TANGO6: variants seen among roughly 807,000 people sequenced by gnomAD.
TANGO6 encodes transport and golgi organization 6 homolog, also known as transport and Golgi organization protein 6 homolog.
Under a neutral mutation model 114.2 loss-of-function variants are expected in TANGO6, and 90 were observed. That is an observed-to-expected ratio of 0.79 (90% CI 0.66 to 0.94). The LOEUF is 0.94. Ranked by LOEUF, TANGO6 falls within the 40% of genes least tolerant of loss-of-function variation. The probability of loss-of-function intolerance (pLI) is 0.00; values close to 1 mark genes in which losing one functional copy is unlikely to be tolerated. For synonymous variants in TANGO6, 477 were observed against 509.8 expected, an observed-to-expected ratio of 0.94 and a Z score of 0.87; for missense variants, 1,274 against 1,315.3, an observed-to-expected ratio of 0.97 and a Z score of 0.49.
intron 17 of TANGO6, among the ~76,000 whole-genome samples, chr16:69,061,519 C>G (rs1242494103): frequency 3.3e-5 from 5 of 151,986 alleles, no homozygotes; most frequent in Admixed American, 6.6e-5. Flanking sequence ...CGCCACCGCA[C>G]TCCAGCCTAG....
intron 14 of TANGO6, among the ~76,000 whole-genome samples, chr16:68,954,084 A>G (rs1405159388): frequency 2.6e-5 from 4 of 151,676 alleles, no homozygotes; most frequent in Non-Finnish European, 4.4e-5. Flanking sequence ...TACTAAAAAT[A>G]CAAAAAAAAA....
chr16:69,048,202 C>T (rs1959891840), intron 17 of TANGO6, among the ~76,000 whole-genome samples: 2 of 151,606 alleles, frequency 1.3e-5, no homozygotes, highest in South Asian at 4.2e-4. Context: ...TGTGCCTGAG[C>T]CTCTTGACTA....
At chr16:68,858,912 G>A (rs768042604) in intron 1 of TANGO6, among the ~76,000 whole-genome samples, 3 of 152,106 alleles carry the variant, frequency 2.0e-5, no homozygotes, top group African/African-American at 7.2e-5. Context: ...TTTTTTGACC[G>A]TAGATTATTT....
chr16:68,971,210 G>A (rs544877678), intron 14 of TANGO6, among the ~76,000 whole-genome samples: 1 of 151,930 alleles, frequency 6.6e-6, no homozygotes, highest in South Asian at 2.1e-4. Context: ...ACCAGGCCTT[G>A]TAATATATCA....
chr16:68,921,259 T>C (rs1257947457), intron 12 of TANGO6, among the ~76,000 whole-genome samples: 2 of 150,952 alleles, frequency 1.3e-5, no homozygotes, highest in African/African-American at 4.9e-5. Flanking sequence ...CTCAGCTCAC[T>C]GCAGCCTCCA....
intron 4 of TANGO6, among the ~76,000 whole-genome samples, chr16:68,869,232 C>T (rs1962227788): frequency 6.6e-6 from 1 of 152,134 alleles, no homozygotes; most frequent in African/African-American, 2.4e-5. Context: ...GCCTATAATC[C>T]CAACACTTTG....
intron 17 of TANGO6, among the ~76,000 whole-genome samples, chr16:69,070,044 T>TA (rs775552668): frequency 0.083 from 6,275 of 75,268 alleles, 221 homozygotes; most frequent in Non-Finnish European, 0.1. Context: ...CTGTCTGTAC[T>TA]AAAAAAAAAA....
At chr16:68,987,362 CTGTTGT>C (rs751674485) in intron 15 of TANGO6, among the ~76,000 whole-genome samples, 2 of 151,874 alleles carry the variant, frequency 1.3e-5, no homozygotes, top group Non-Finnish European at 2.9e-5. Context: ...GTTGTTGTTG[CTGTTGT>C]TGTTGTTGTT....
chr16:69,012,556 CAAAAAAAA>C (rs1175561720), intron 15 of TANGO6, among the ~76,000 whole-genome samples: 2 of 36,510 alleles, frequency 5.5e-5, no homozygotes, highest in African/African-American at 1.1e-4. Context: ...AACTCTGTCT[CAAAAAAAA>C]AAAAAAAAAA....
chr16:69,020,292 G>A (rs1157074120), intron 15 of TANGO6, among the ~76,000 whole-genome samples: 1 of 152,156 alleles, frequency 6.6e-6, no homozygotes. Flanking sequence ...ATTGACCAAA[G>A]CATTGTTATG....
intron 7 of TANGO6, among the ~76,000 whole-genome samples, 198 bp downstream of exon 7, chr16:68,880,828 T>C (rs1042669195): frequency 6.6e-6 from 1 of 152,124 alleles, no homozygotes; most frequent in East Asian, 1.9e-4. Flanking sequence ...CCCAGCCTTT[T>C]AAAATAATTT....
chr16:69,017,901 C>CTT (rs1018228039), intron 15 of TANGO6, among the ~76,000 whole-genome samples: 3 of 137,210 alleles, frequency 2.2e-5, no homozygotes, highest in Admixed American at 7.4e-5. Context: ...AGTTGGAAAT[C>CTT]TTTTTTTTTT....
At chr16:68,948,356 A>G (rs909325210) in intron 14 of TANGO6, 2 of 152,204 alleles carry the variant, frequency 1.3e-5, no homozygotes, top group African/African-American at 4.8e-5. Context: ...TGCTAGTCAC[A>G]GCAACCCTGC....
intron 17 of TANGO6, among the ~76,000 whole-genome samples, chr16:69,061,950 C>T (rs1338841096): frequency 1.3e-5 from 2 of 151,746 alleles, no homozygotes; most frequent in East Asian, 3.9e-4. Flanking sequence ...ACCCAGGAGG[C>T]GGAGGTTGCA....
chr16:69,031,865 G>A (rs552340443), intron 16 of TANGO6, among the ~76,000 whole-genome samples: 2 of 152,036 alleles, frequency 1.3e-5, no homozygotes, highest in East Asian at 2.0e-4. Context: ...GTTTCACCAT[G>A]TTGCCTAGGC....
At chr16:68,936,921 C>T (rs1297172273) in intron 14 of TANGO6, among the ~76,000 whole-genome samples, 1 of 152,172 alleles carries the variant, frequency 6.6e-6, no homozygotes, top group Non-Finnish European at 1.5e-5. Flanking sequence ...ATCACACAAG[C>T]TCTTCCACCC....
intron 14 of TANGO6, among the ~76,000 whole-genome samples, chr16:68,953,822 A>G (rs1963498157): frequency 1.3e-5 from 2 of 152,192 alleles, no homozygotes; most frequent in South Asian, 4.1e-4. Context: ...CCCAGAAACC[A>G]TGAAATTAAG....
At chr16:68,913,978 G>A (rs1206484020) in intron 11 of TANGO6, among the ~76,000 whole-genome samples, 1 of 152,064 alleles carries the variant, frequency 6.6e-6, no homozygotes, top group Non-Finnish European at 1.5e-5. Context: ...TGGGAGAGGA[G>A]AACTGAAAAA....
chr16:68,859,490 G>C (rs574855942), intron 1 of TANGO6, among the ~76,000 whole-genome samples: 29 of 152,320 alleles, frequency 1.9e-4, no homozygotes, highest in African/African-American at 7.0e-4. Flanking sequence ...GTTCTGTTCA[G>C]TGCTTTATCC....
Sources: allele counts gnomAD v4.1 joint callset (sites outside exome capture counted in the v4.1 genomes callset), GRCh38; gene constraint gnomAD v4.1.1; transcripts MANE v1.5; gene names NCBI Gene and HGNC (gene_info 2026-07-23, HGNC 2026-07-21).